The following PRCP variants were observed in gnomAD, a reference collection of about 807,000 sequenced individuals.
PRCP encodes the protein prolylcarboxypeptidase, also known as lysosomal Pro-X carboxypeptidase.
In PRCP, 46 loss-of-function variants were observed where a neutral mutation model predicts 54.2. The ratio of observed to expected loss-of-function variants is 0.85; its 90% CI spans 0.67 to 1.09. PRCP has a LOEUF of 1.09. PRCP is among the 50% of genes least tolerant of loss of function. PRCP has a pLI of 0.00. For missense variants in PRCP, 613 were observed against 596.8 expected, an observed-to-expected ratio of 1.03 and a Z score of -0.28; for synonymous variants, 240 against 212.2, an observed-to-expected ratio of 1.13 and a Z score of -1.14.
chr11:82,874,632 A>C (rs1313706148), intron 1 of PRCP, among the ~76,000 whole-genome samples: 1 of 151,534 alleles, frequency 6.6e-6, no homozygotes, highest in African/African-American at 2.4e-5. Context: ...TCAAGGCTGC[A>C]ATGAACTGTG....
At position 82,823,071 on chromosome 11, in the gene PRCP, G is replaced by T. The variant is rs1055519394; in HGVS notation, c.*1835C>A. Among the ~76,000 whole-genome samples the T allele has an allele frequency of 2.0e-5, 3 of 151,978 alleles. No homozygotes were observed. Among genetic ancestry groups the T allele is most frequent in the East Asian group, 1.9e-4 (1 of 5,182 alleles). ...TATAATTATACTCACTTCAATTAAG[G>T]CTGCTATCTATATTCCTAAAATGCA... On this transcript the variant is annotated 3_prime_UTR_variant, in exon 9 of 9. Coordinates refer to ENST00000313010, the MANE Select transcript of PRCP (RefSeq NM_005040.4).
chr11:82,865,167 A>G (rs977644129), intron 1 of PRCP, among the ~76,000 whole-genome samples: 5 of 152,170 alleles, frequency 3.3e-5, no homozygotes, highest in African/African-American at 1.2e-4. Context: ...GTAACTAATA[A>G]TTAGGAATCA....
At chr11:82,838,732 T>C (rs1858590900) in intron 7 of PRCP, among the ~76,000 whole-genome samples, 158 bp from the exon 8 acceptor site, 1 of 152,172 alleles carries the variant, frequency 6.6e-6, no homozygotes, top group Non-Finnish European at 1.5e-5. Flanking sequence ...CGCCATATAA[T>C]CTCTCATTAT....
At chr11:82,881,781 C>A (rs1290192547) in intron 1 of PRCP, among the ~76,000 whole-genome samples, 3 of 152,018 alleles carry the variant, frequency 2.0e-5, no homozygotes, top group Non-Finnish European at 4.4e-5. Context: ...AGTTTTCTAT[C>A]CCATGTGAAC....
rs753413020 is a variant in PRCP, at chr11:82,850,067, GA to G, written c.597del (p.Ala201GlnfsTer12). The G allele has an allele frequency of 7.2e-7, 1 of 1,396,022 alleles. No individual in the cohort carries two copies. Among genetic ancestry groups the G allele is most frequent in the Non-Finnish European group, 9.3e-7 (1 of 1,071,212 alleles). 86.5% of individuals were successfully genotyped at this position (1,396,022 alleles called of 1,614,324 possible). A position where few individuals can be genotyped will look rare whatever the true frequency, so the allele number is the denominator to read the frequency against. On this transcript the variant is annotated frameshift_variant, in exon 5 of 9. Transcript: ENST00000313010. LOFTEE classifies it high-confidence loss of function. ...TGCCAGATAGGGGCAGAAGCTGCAA[GA>G]GCTCTAAATGGCAAGAAAATCAAAG... ...RMKYPHMVVG[A>X]LAASAPIWQF...
At chr11:82,901,297 A>T (rs143703204), upstream of PRCP, among the ~76,000 whole-genome samples, 549 of 151,524 alleles carry the variant, frequency 3.6e-3, 7 homozygotes, top group African/African-American at 0.012. Flanking sequence ...CTTCTCCGGC[A>T]CCCGAAAACC....
intron 3 of PRCP, among the ~76,000 whole-genome samples, chr11:82,850,749 C>T (rs1325256159): frequency 6.6e-6 from 1 of 152,154 alleles, no homozygotes; most frequent in East Asian, 1.9e-4. Flanking sequence ...ACAACAGAAA[C>T]AAATTGTAGG....
At chr11:82,875,383 T>C (rs1215660862) in intron 1 of PRCP, among the ~76,000 whole-genome samples, 1 of 152,242 alleles carries the variant, frequency 6.6e-6, no homozygotes, top group Non-Finnish European at 1.5e-5. Flanking sequence ...GCTTTAGGCC[T>C]GTGGGGCTAC....
At chr11:82,890,460 T>G (rs1454975060) in intron 1 of PRCP, among the ~76,000 whole-genome samples, 3 of 152,214 alleles carry the variant, frequency 2.0e-5, no homozygotes, top group Non-Finnish European at 4.4e-5. Context: ...AGATCCCATT[T>G]CCTCTTGCCT....
At chr11:82,829,108 T>G (rs1858314942) in intron 8 of PRCP, 1 of 152,220 alleles carries the variant, frequency 6.6e-6, no homozygotes, top group Admixed American at 6.5e-5. Flanking sequence ...ATAATAGCCT[T>G]TTAACTGATC....
intron 6 of PRCP, among the ~76,000 whole-genome samples, chr11:82,848,470 C>T (rs1858864315): frequency 6.6e-6 from 1 of 152,160 alleles, no homozygotes; most frequent in Admixed American, 6.5e-5. Flanking sequence ...AGAAAAGCAC[C>T]TTGCCTAAGA....
chr11:82,858,883 A>T (rs939802712), intron 2 of PRCP: 1 of 152,236 alleles, frequency 6.6e-6, no homozygotes, highest in Non-Finnish European at 1.5e-5. Context: ...TTCTCTGGGA[A>T]GTATTTTATT....
At position 82,850,485 on chromosome 11, in the gene PRCP, G is replaced by A. The variant is rs540270347; in HGVS notation, c.432C>T (p.Phe144=). The change falls in exon 4 of 9, where the codon TTC becomes TTT. Residue 144 remains phenylalanine, a synonymous_variant. Transcript: ENST00000313010. ...NSFKDSRHLN[F]LTSEQALADF... is the part of the protein sequence containing the mutation. ...CAGCCAGAGCTTGTTCTGATGTCAG[G>A]AAATTCAAGTGTCTGGAATCCTAAA... 1 of 1,572,500 alleles carries A rather than the reference G, an allele frequency of 6.4e-7. No individual in the cohort carries two copies. Among genetic ancestry groups the A allele is most frequent in the East Asian group, 2.3e-5 (1 of 42,786 alleles).
intron 8 of PRCP, chr11:82,835,811 G>A (rs1858509830): frequency 6.0e-6 from 3 of 497,474 alleles, no homozygotes; most frequent in Non-Finnish European, 1.2e-5. Context: ...TGATGTTCAA[G>A]AACCAGATGA....
intron 1 of PRCP, among the ~76,000 whole-genome samples, chr11:82,876,699 C>A (rs1400932574): frequency 6.6e-6 from 1 of 152,190 alleles, no homozygotes; most frequent in Non-Finnish European, 1.5e-5. Context: ...TCACCTCCTG[C>A]CATGATTCTG....
chr11:82,901,112 G>C (rs1164818908), upstream of PRCP, among the ~76,000 whole-genome samples: 1 of 152,140 alleles, frequency 6.6e-6, no homozygotes, highest in Non-Finnish European at 1.5e-5. Flanking sequence ...CAAAGACTGT[G>C]CTCCTTGCAC....
chr11:82,860,765 TAGATATTCTAAGTTAC>T (rs1264626397), intron 1 of PRCP, among the ~76,000 whole-genome samples: 1 of 152,124 alleles, frequency 6.6e-6, no homozygotes, highest in African/African-American at 2.4e-5. Context: ...CAGCACACCA[TAGATATTCTAAGTTAC>T]AAGAATTTCA....
At chr11:82,886,726 T>C (rs1283795453) in intron 1 of PRCP, among the ~76,000 whole-genome samples, 2 of 152,230 alleles carry the variant, frequency 1.3e-5, no homozygotes, top group Non-Finnish European at 2.9e-5. Context: ...TGTGCAATCA[T>C]GCATAAATCA....
intron 1 of PRCP, among the ~76,000 whole-genome samples, chr11:82,890,548 C>A (rs1392574199): frequency 6.6e-6 from 1 of 152,164 alleles, no homozygotes; most frequent in Non-Finnish European, 1.5e-5. Context: ...CCTTAGCATA[C>A]ATTCGATTAT....
Sources: gnomAD v4.1 joint callset for allele counts (sites outside exome capture counted in the v4.1 genomes callset) on GRCh38, gnomAD v4.1.1 for gene constraint, MANE v1.5 for transcripts, NCBI Gene and HGNC (gene_info 2026-07-23, HGNC 2026-07-21) for gene names.